The following FLNB variants were observed in gnomAD, a reference collection of about 807,000 sequenced individuals.
FLNB encodes the protein filamin B.
A neutral mutation model predicts 250.6 loss-of-function variants in FLNB; 111 were observed. The ratio of observed to expected loss-of-function variants is 0.44; its 90% CI spans 0.38 to 0.52. FLNB has a LOEUF of 0.52. Among genes scored for constraint, FLNB ranks in the 20% least tolerant of loss-of-function variants. FLNB has a pLI of 0.00. For missense variants in FLNB, 2,869 were observed against 3,447.8 expected (o/e 0.83, Z 4.20); for synonymous variants, 1,302 against 1,372.1 (o/e 0.95, Z 1.13).
intron 40 of FLNB, 103 bp downstream of exon 40, chr3:58,155,031 A>G (rs1302947477): frequency 9.4e-6 from 11 of 1,175,250 alleles, no homozygotes; most frequent in Non-Finnish European, 8.8e-6. Context: ...TGAGGAATCT[A>G]TGTGTATGGG....
chr3:58,162,915 G>A (rs2097364076), intron 42 of FLNB: 2 of 539,090 alleles, frequency 3.7e-6, no homozygotes, highest in Non-Finnish European at 6.7e-6. Context: ...TGAGGCAGGG[G>A]TCAGAGTCTT....
intron 44 of FLNB, 131 bp downstream of exon 44, chr3:58,168,789 G>A: frequency 1.4e-6 from 1 of 734,628 alleles, no homozygotes; most frequent in Non-Finnish European, 2.4e-6. Context: ...TCAGTAAATA[G>A]TATGAGATGT....
chr3:58,033,064 C>T (rs183757236), intron 1 of FLNB, among the ~76,000 whole-genome samples: 21 of 152,282 alleles, frequency 1.4e-4, no homozygotes, highest in Admixed American at 1.2e-3. Flanking sequence ...AAGAGTGAGA[C>T]ATTGTCTCAA....
chr3:58,156,066 G>T lies in FLNB; in HGVS notation c.6879G>T (p.Met2293Ile). 1 of 1,613,382 alleles carries T rather than the reference G, an allele frequency of 6.2e-7. No homozygotes were observed. Among genetic ancestry groups the T allele is most frequent in the East Asian group, 2.2e-5 (1 of 44,886 alleles). ...PSDDARRLTV[M>I]SLQESGLKVN... ...ACGACGCCCGCCGCCTCACTGTTAT[G>T]AGCCTTCAGGTGAGATGCAAGGAAG... Residue 2293 changes from methionine (M) to isoleucine (I), a missense_variant, in exon 41 of 46, where the codon ATG becomes ATT. Around this residue, in one of 5 missense-constraint regions of FLNB, gnomAD observed 1,084 missense variants for 1,315.5 expected, o/e 0.82. Coordinates refer to ENST00000295956, the MANE Select transcript of FLNB (RefSeq NM_001457.4).
At chr3:58,021,878 G>A (rs2106716727) in intron 1 of FLNB, among the ~76,000 whole-genome samples, 1 of 152,162 alleles carries the variant, frequency 6.6e-6, no homozygotes, top group African/African-American at 2.4e-5. Context: ...TGGCTCAAGC[G>A]ATCCTCCCAC....
rs757343063 is a variant in FLNB, at chr3:58,142,779, C to T, written c.5284+27C>T. 2 of 1,583,790 alleles carry T rather than the reference C, an allele frequency of 1.3e-6. No individual in the cohort carries two copies. The highest frequency in any genetic ancestry group is 8.7e-7 in the Non-Finnish European group (1 of 1,152,572). ...TAAGCACTTGCCATAAAGGCCGTCTCATTCTCACTTGCTCTCACGAGCTTC... is the reference window on the plus strand; with the variant it reads ...TAAGCACTTGCCATAAAGGCCGTCTTATTCTCACTTGCTCTCACGAGCTTC... On this transcript the variant is annotated intron_variant, in intron 31 of 45. Transcript: ENST00000295956. The surrounding 1 kb of genome is among the most constrained non-coding windows in gnomAD (Gnocchi z 4.3).
intron 1 of FLNB, among the ~76,000 whole-genome samples, chr3:58,075,203 G>C (rs561309411): frequency 6.6e-6 from 1 of 152,186 alleles, no homozygotes; most frequent in South Asian, 2.1e-4. Flanking sequence ...CATTCAGGTG[G>C]CTCTTGGTGG....
chr3:58,040,080 G>A (rs1483574889), intron 1 of FLNB, among the ~76,000 whole-genome samples: 1 of 152,194 alleles, frequency 6.6e-6, no homozygotes, highest in East Asian at 1.9e-4. Context: ...GGGAGGCAGA[G>A]GTTGCAGTGA....
At chr3:58,086,322 C>G in intron 4 of FLNB, among the ~76,000 whole-genome samples, 1 of 152,090 alleles carries the variant, frequency 6.6e-6, no homozygotes, top group East Asian at 1.9e-4. Context: ...TGTTTAAATC[C>G]ATTTGCTTAT....
intron 12 of FLNB, among the ~76,000 whole-genome samples, chr3:58,108,244 TAG>T (rs2097262977): frequency 6.6e-6 from 1 of 152,198 alleles, no homozygotes; most frequent in Non-Finnish European, 1.5e-5. Context: ...TGGATTTGTT[TAG>T]AGAGTTTTCT....
chr3:58,142,642 GT>G lies in FLNB; in HGVS notation c.5182-3del. The G allele has an allele frequency of 3.1e-6, 5 of 1,613,098 alleles. No homozygotes were observed. The highest frequency in any genetic ancestry group is 2.5e-6 in the Non-Finnish European group (3 of 1,179,240). ...CTTTACCCAGTGACCACTGCCTTCTGTTTTTAGGTGACCGAAGAGGCCTATG... is the reference window on the plus strand; with the variant it reads ...CTTTACCCAGTGACCACTGCCTTCTGTTTTAGGTGACCGAAGAGGCCTATG... On this transcript the variant is annotated splice_polypyrimidine_tract_variant and splice_region_variant and intron_variant, in intron 30 of 45. Transcript: ENST00000295956. This position sits in a 1 kb window ranked among gnomAD's most constrained non-coding sequence, Gnocchi z 4.3.
At chr3:58,036,169 C>G (rs1394517679) in intron 1 of FLNB, among the ~76,000 whole-genome samples, 2 of 152,158 alleles carry the variant, frequency 1.3e-5, no homozygotes, top group African/African-American at 4.8e-5. Flanking sequence ...TCTGACTGTG[C>G]TCTTCGTCAG....
chr3:58,022,582 T>A (rs1189649449), intron 1 of FLNB, among the ~76,000 whole-genome samples: 3 of 152,220 alleles, frequency 2.0e-5, no homozygotes, highest in Non-Finnish European at 4.4e-5. Flanking sequence ...AGAGAGCCCA[T>A]ACAAAGTACC....
intron 1 of FLNB, among the ~76,000 whole-genome samples, chr3:58,048,047 A>G (rs1261413968): frequency 1.3e-5 from 2 of 152,188 alleles, no homozygotes; most frequent in Admixed American, 6.5e-5. Flanking sequence ...GCACCGATAC[A>G]GTAATAACAT....
At chr3:58,140,358 T>G (rs1314520422) in intron 29 of FLNB, among the ~76,000 whole-genome samples, 3 of 152,206 alleles carry the variant, frequency 2.0e-5, no homozygotes, top group Non-Finnish European at 2.9e-5. Flanking sequence ...CATTGAAAGA[T>G]CTTCCTTCTG....
chr3:58,078,354 T>C (rs1241812639), intron 2 of FLNB: 1 of 1,487,194 alleles, frequency 6.7e-7, no homozygotes, highest in African/African-American at 1.4e-5. Flanking sequence ...AGGATGCTAT[T>C]CTAGACTTTT....
chr3:58,071,679 TGTGGAATA>T (rs2097194808), intron 1 of FLNB, among the ~76,000 whole-genome samples: 1 of 152,120 alleles, frequency 6.6e-6, no homozygotes, highest in African/African-American at 2.4e-5. Flanking sequence ...AGGGCAAAAA[TGTGGAATA>T]GTGTCTGTCC....
At chr3:58,162,233 A>T (rs1044017498) in intron 42 of FLNB, among the ~76,000 whole-genome samples, 1 of 152,132 alleles carries the variant, frequency 6.6e-6, no homozygotes, top group African/African-American at 2.4e-5. Flanking sequence ...AGGGATGAAG[A>T]GTACTAGGCA....
At chr3:58,167,539 A>G (rs2097372825) in intron 43 of FLNB, among the ~76,000 whole-genome samples, 1 of 152,248 alleles carries the variant, frequency 6.6e-6, no homozygotes, top group Non-Finnish European at 1.5e-5. Flanking sequence ...CATGCCCCAT[A>G]GAGGGCACTG....
Sources: gnomAD v4.1 joint callset for allele counts (sites outside exome capture counted in the v4.1 genomes callset) on GRCh38, gnomAD v4.1.1 for gene constraint, gnomAD v4.1.1 regional missense constraint, Gnocchi (gnomAD v3.1) non-coding constraint, MANE v1.5 for transcripts, NCBI Gene and HGNC (gene_info 2026-07-23, HGNC 2026-07-21) for gene names.